OCA2: variants seen among roughly 807,000 people sequenced by gnomAD.
OCA2 encodes OCA2 melanosomal transmembrane protein, also known as P protein.
Under a neutral mutation model 100.2 loss-of-function variants are expected in OCA2, and 77 were observed. That is an observed-to-expected ratio of 0.77 (90% CI 0.64 to 0.93). The LOEUF (loss-of-function observed/expected upper bound fraction) is 0.93, where lower values mean the gene tolerates loss of function less well. OCA2 is among the 40% of genes least tolerant of loss of function. OCA2 has a pLI of 0.00. For synonymous variants in OCA2, 432 were observed against 439.2 expected (o/e 0.98, Z 0.21); for missense variants, 1,062 against 1,089.1 (o/e 0.98, Z 0.35).
chr15:27,804,639 G>T (rs2033749423), intron 23 of OCA2, among the ~76,000 whole-genome samples: 1 of 152,196 alleles, frequency 6.6e-6, no homozygotes, highest in Non-Finnish European at 1.5e-5. Context: ...CACCACAACG[G>T]ACTTCAGAAA....
At chr15:28,030,878 G>A (rs945115427) in intron 3 of OCA2, among the ~76,000 whole-genome samples, 3 of 152,176 alleles carry the variant, frequency 2.0e-5, no homozygotes, top group African/African-American at 7.2e-5. Flanking sequence ...GGCAGCTGTG[G>A]CCTTTTCTCT....
intron 23 of OCA2, among the ~76,000 whole-genome samples, chr15:27,842,072 A>G (rs2035361689): frequency 6.6e-6 from 1 of 152,396 alleles, no homozygotes; most frequent in Non-Finnish European, 1.5e-5. Flanking sequence ...TTATCACACC[A>G]TAACAAGAAA....
intron 2 of OCA2, among the ~76,000 whole-genome samples, chr15:28,057,102 T>C (rs1464257936): frequency 1.3e-5 from 2 of 152,236 alleles, no homozygotes; most frequent in Admixed American, 6.5e-5. Flanking sequence ...CAATGATTGA[T>C]AGCATAAAAT....
At chr15:28,000,755 G>A (rs2041901008) in intron 9 of OCA2, among the ~76,000 whole-genome samples, 2 of 151,998 alleles carry the variant, frequency 1.3e-5, no homozygotes, top group South Asian at 2.1e-4. Flanking sequence ...GAACTCATAC[G>A]AATCAAGAGC....
chr15:28,008,120 A>G (rs2042139665), intron 9 of OCA2, among the ~76,000 whole-genome samples: 1 of 152,242 alleles, frequency 6.6e-6, no homozygotes, highest in East Asian at 1.9e-4. Flanking sequence ...AAAGCAACCA[A>G]CAACAGACAC....
chr15:27,745,288 G>A, the OCA2 span, among the ~76,000 whole-genome samples: 1 of 152,166 alleles, frequency 6.6e-6, no homozygotes, highest in Admixed American at 6.5e-5. Context: ...AGGTCATGGG[G>A]AGATGTGCTC....
At chr15:27,944,251 C>T (rs1053422177) in intron 18 of OCA2, among the ~76,000 whole-genome samples, 2 of 152,212 alleles carry the variant, frequency 1.3e-5, no homozygotes, top group Non-Finnish European at 1.5e-5. Flanking sequence ...TGAGGGAGAT[C>T]TGATCTATCC....
At chr15:27,722,818 C>CTCTCTCTT in the OCA2 span, among the ~76,000 whole-genome samples, 7 of 141,342 alleles carry the variant, frequency 5.0e-5, no homozygotes, top group Admixed American at 7.3e-5. Flanking sequence ...CTCTCTTTCT[C>CTCTCTCTT]TCTCTCTCTC....
At chr15:27,824,735 T>C (rs1237625786) in intron 23 of OCA2, among the ~76,000 whole-genome samples, 3 of 151,092 alleles carry the variant, frequency 2.0e-5, no homozygotes, top group African/African-American at 7.3e-5. Flanking sequence ...CGCAGCACAC[T>C]CGCCTAAAAG....
chr15:27,915,287 G>T (rs2038623471), intron 19 of OCA2, among the ~76,000 whole-genome samples: 1 of 152,054 alleles, frequency 6.6e-6, no homozygotes, highest in South Asian at 2.1e-4. Context: ...TACCATTTTG[G>T]ACACAGAGCC....
At chr15:27,772,693 T>C (rs1275000308) in intron 23 of OCA2, among the ~76,000 whole-genome samples, 2 of 152,092 alleles carry the variant, frequency 1.3e-5, no homozygotes, top group African/African-American at 2.4e-5. Flanking sequence ...ATACAAAAAT[T>C]AGCTGGGTGT....
chr15:27,781,908 A>G (rs891649164), intron 23 of OCA2, among the ~76,000 whole-genome samples: 2 of 152,236 alleles, frequency 1.3e-5, no homozygotes, highest in African/African-American at 4.8e-5. Context: ...GAGTCAAGCG[A>G]TCTGCTGGAG....
chr15:27,999,902 A>T (rs558315224), intron 9 of OCA2, among the ~76,000 whole-genome samples: 19 of 152,352 alleles, frequency 1.2e-4, no homozygotes, highest in African/African-American at 4.3e-4. Flanking sequence ...GAATAAATTT[A>T]ACCAAAGAGG....
chr15:27,726,518 C>T, the OCA2 span, among the ~76,000 whole-genome samples: 5 of 152,138 alleles, frequency 3.3e-5, no homozygotes, highest in East Asian at 3.9e-4. Context: ...CACAATGCTT[C>T]GCTCAGCACA....
intron 19 of OCA2, among the ~76,000 whole-genome samples, chr15:27,884,299 C>T (rs555992554): frequency 5.3e-4 from 80 of 152,154 alleles, no homozygotes; most frequent in Middle Eastern, 3.4e-3. Flanking sequence ...TACTTGGGCC[C>T]GGGGAGTAGA....
intron 1 of OCA2, among the ~76,000 whole-genome samples, chr15:28,098,088 G>A (rs375640243): frequency 9.2e-5 from 14 of 152,286 alleles, no homozygotes; most frequent in African/African-American, 3.4e-4. Flanking sequence ...TGGAGGTTGC[G>A]TTCTTCTCAT....
chr15:27,812,948 C>T (rs1443165899), intron 23 of OCA2, among the ~76,000 whole-genome samples: 3 of 152,150 alleles, frequency 2.0e-5, no homozygotes, highest in South Asian at 2.1e-4. Context: ...CCCACTTCCC[C>T]ACATGCCCAC....
chr15:27,758,462 G>C (rs1388967313), intron 23 of OCA2, among the ~76,000 whole-genome samples: 1 of 152,248 alleles, frequency 6.6e-6, no homozygotes, highest in Non-Finnish European at 1.5e-5. Context: ...GATCCCACGA[G>C]CCAGGGGTGT....
intron 22 of OCA2, among the ~76,000 whole-genome samples, chr15:27,850,903 C>T (rs571455995): frequency 6.6e-6 from 1 of 152,298 alleles, no homozygotes; most frequent in South Asian, 2.1e-4. Context: ...TCTCTCCCAA[C>T]ACTCTCTCTA....
Sources: allele counts gnomAD v4.1 joint callset (sites outside exome capture counted in the v4.1 genomes callset), GRCh38; gene constraint gnomAD v4.1.1; transcripts MANE v1.5; gene names NCBI Gene and HGNC (gene_info 2026-07-23, HGNC 2026-07-21).